The following GPC5 variants were observed in gnomAD, a reference collection of about 807,000 sequenced individuals.
GPC5 encodes glypican 5.
A neutral mutation model predicts 53.9 loss-of-function variants in GPC5; 47 were observed. The ratio of observed to expected loss-of-function variants is 0.87; its 90% confidence interval spans 0.69 to 1.11. The LOEUF (loss-of-function observed/expected upper bound fraction) is 1.11. Ranked by LOEUF, GPC5 falls within the 50% of genes most tolerant of loss-of-function variation. The pLI, the probability that GPC5 is intolerant of heterozygous loss-of-function variation, is 0.00. For missense variants in GPC5, 748 were observed against 713.1 expected (o/e 1.05, Z -0.56); for synonymous variants, 286 against 263.3 (o/e 1.09, Z -0.84).
At chr13:91,558,189 C>T (rs748129975) in intron 2 of GPC5, among the ~76,000 whole-genome samples, 27 of 151,948 alleles carry the variant, frequency 1.8e-4, no homozygotes, top group Non-Finnish European at 1.3e-4. Context: ...CAAAACAATT[C>T]TTGGTGAGTA....
intron 2 of GPC5, among the ~76,000 whole-genome samples, chr13:91,610,088 C>A (rs2139300709): frequency 6.6e-6 from 1 of 152,232 alleles, no homozygotes; most frequent in East Asian, 1.9e-4. Flanking sequence ...ATCAAGTGAG[C>A]AAAGATTTAC....
rs186672412 is a variant in GPC5, at chr13:92,189,614, T to G, written c.1561+44625T>G. Among the ~76,000 whole-genome samples the G allele has an allele frequency of 3.5e-4, 53 of 152,058 alleles. No individual in the cohort carries two copies. In the East Asian group the frequency reaches 7.9e-3, roughly 23 times the overall value. Reference sequence around the variant, plus strand: ...GCACACACACACACACACAAAAGTTTCAAGAGACTGAACGAGTATGAGAAT... The same window carrying G: ...GCACACACACACACACACAAAAGTTGCAAGAGACTGAACGAGTATGAGAAT... On this transcript the variant is annotated intron_variant, in intron 7 of 7. Coordinates refer to ENST00000377067, the MANE Select transcript of GPC5 (RefSeq NM_004466.6).
At chr13:92,432,367 T>G (rs935501418) in intron 7 of GPC5, among the ~76,000 whole-genome samples, 8 of 146,572 alleles carry the variant, frequency 5.5e-5, no homozygotes, top group South Asian at 2.2e-4. Flanking sequence ...GTTTTTTTTT[T>G]TTTTTTTTTT....
chr13:92,354,351 G>C (rs902556820), intron 7 of GPC5, among the ~76,000 whole-genome samples: 8 of 152,156 alleles, frequency 5.3e-5, no homozygotes, highest in African/African-American at 1.9e-4. Flanking sequence ...AAAAATAGTT[G>C]AAAGCATGTT....
At chr13:92,002,420 C>G (rs965268360) in intron 6 of GPC5, among the ~76,000 whole-genome samples, 6 of 152,116 alleles carry the variant, frequency 3.9e-5, no homozygotes, top group Non-Finnish European at 7.4e-5. Flanking sequence ...GACAAGAACA[C>G]AAAATTCCAA....
At chr13:92,245,037 G>GAAA (rs35163960) in intron 7 of GPC5, among the ~76,000 whole-genome samples, 22 of 131,088 alleles carry the variant, frequency 1.7e-4, no homozygotes, top group South Asian at 5.1e-4. Flanking sequence ...GACTCCATCT[G>GAAA]AAAAAAAAAA....
intron 5 of GPC5, among the ~76,000 whole-genome samples, chr13:91,808,616 A>G (rs1163987441): frequency 1.3e-5 from 2 of 152,192 alleles, no homozygotes; most frequent in Non-Finnish European, 2.9e-5. Flanking sequence ...GAAATACAAC[A>G]TATTACTTCT....
chr13:92,729,468 A>G (rs1283447920), intron 7 of GPC5, among the ~76,000 whole-genome samples: 3 of 151,462 alleles, frequency 2.0e-5, no homozygotes, highest in Admixed American at 6.6e-5. Flanking sequence ...GAATATATCA[A>G]GTTAAATGAA....
intron 7 of GPC5, among the ~76,000 whole-genome samples, chr13:92,476,345 T>A (rs1452590664): frequency 6.6e-6 from 1 of 151,818 alleles, no homozygotes; most frequent in Admixed American, 6.6e-5. Flanking sequence ...CACAATGAGA[T>A]ACCATCTCAC....
intron 7 of GPC5, among the ~76,000 whole-genome samples, chr13:92,368,329 A>T (rs1027536319): frequency 6.6e-6 from 1 of 151,384 alleles, no homozygotes; most frequent in Non-Finnish European, 1.5e-5. Flanking sequence ...CTATACTCCT[A>T]GCCTCAGAAA....
At chr13:91,851,447 A>G (rs2038911926) in intron 5 of GPC5, among the ~76,000 whole-genome samples, 1 of 152,156 alleles carries the variant, frequency 6.6e-6, no homozygotes, top group Non-Finnish European at 1.5e-5. Context: ...ACACTACTGT[A>G]GACTTTATAA....
intron 3 of GPC5, among the ~76,000 whole-genome samples, chr13:91,722,734 T>A (rs142756499): frequency 1.8e-3 from 280 of 152,278 alleles, no homozygotes; most frequent in Non-Finnish European, 3.1e-3. Context: ...ACTGAAAGGA[T>A]CCATGCCTCC....
At chr13:92,010,500 G>A (rs1392226949) in intron 6 of GPC5, among the ~76,000 whole-genome samples, 1 of 152,182 alleles carries the variant, frequency 6.6e-6, no homozygotes, top group Admixed American at 6.5e-5. Context: ...GGACTGAACT[G>A]TGTTCCCCAG....
intron 5 of GPC5, among the ~76,000 whole-genome samples, chr13:91,808,950 G>A (rs888445486): frequency 2.0e-5 from 3 of 152,124 alleles, no homozygotes; most frequent in African/African-American, 4.8e-5. Context: ...ATATCTTTGT[G>A]TTAGAAGAAT....
chr13:91,683,036 G>C (rs76579007), intron 2 of GPC5, among the ~76,000 whole-genome samples: 1 of 151,240 alleles, frequency 6.6e-6, no homozygotes, highest in Non-Finnish European at 1.5e-5. Flanking sequence ...TGCTTACATG[G>C]GGAAAAAAAA....
At chr13:91,689,178 T>A (rs1389651420) in intron 2 of GPC5, among the ~76,000 whole-genome samples, 2 of 73,536 alleles carry the variant, frequency 2.7e-5, no homozygotes, top group Admixed American at 3.5e-4. Flanking sequence ...CAAAAAATCA[T>A]ATATAAATAT....
At chr13:92,693,333 G>T (rs1189038922) in intron 7 of GPC5, among the ~76,000 whole-genome samples, 1 of 152,136 alleles carries the variant, frequency 6.6e-6, no homozygotes, top group East Asian at 1.9e-4. Context: ...AGTTTAGAAG[G>T]CTCATAATAA....
intron 7 of GPC5, among the ~76,000 whole-genome samples, chr13:92,726,664 C>T (rs1306152943): frequency 6.6e-6 from 1 of 151,564 alleles, no homozygotes; most frequent in Non-Finnish European, 1.5e-5. Context: ...TGTTCCTGAT[C>T]ATATGTTACT....
chr13:91,838,034 A>G (rs2038741852), intron 5 of GPC5, among the ~76,000 whole-genome samples: 1 of 152,180 alleles, frequency 6.6e-6, no homozygotes, highest in East Asian at 1.9e-4. Flanking sequence ...GAATGCATTC[A>G]ACAGTCAAGT....
Sources: gnomAD v4.1 joint callset for allele counts (sites outside exome capture counted in the v4.1 genomes callset) on GRCh38, gnomAD v4.1.1 for gene constraint, MANE v1.5 for transcripts, NCBI Gene and HGNC (gene_info 2026-07-23, HGNC 2026-07-21) for gene names.